Variants in TGM2 observed in about 807,000 individuals in gnomAD.
TGM2 encodes transglutaminase 2, also known as protein-glutamine gamma-glutamyltransferase 2.
Under a neutral mutation model 75.6 loss-of-function variants are expected in TGM2, and 53 were observed. That is an observed-to-expected ratio of 0.70 (90% CI 0.56 to 0.88). The LOEUF is 0.88. Among genes scored for constraint, TGM2 ranks in the 40% least tolerant of loss-of-function variants. TGM2 has a pLI of 0.00. For synonymous variants in TGM2, 374 were observed against 381.1 expected (o/e 0.98, Z 0.22); for missense variants, 842 against 928.5 (o/e 0.91, Z 1.21).
intron 6 of TGM2, chr20:38,145,922 T>G (rs2075039495): frequency 6.6e-6 from 1 of 152,014 alleles, no homozygotes; most frequent in African/African-American, 2.4e-5. Context: ...CACACAACCA[T>G]GCCTGCTAAT....
rs767258802 is a variant in TGM2 at position 38,141,334 on chromosome 20, C to T, written c.1047G>A (p.Pro349=). 29 of 1,592,236 alleles carry T rather than the reference C, an allele frequency of 1.8e-5. No homozygotes were observed. Among genetic ancestry groups the T allele is most frequent in the African/African-American group, 4.0e-5 (3 of 74,646 alleles). The change falls in exon 8 of 13, where the codon CCG becomes CCA. Residue 349 remains proline (P), a synonymous_variant. Transcript: ENST00000361475. ...CCAGGGCCTGCCAGCCCTCGTACCC[C>T]GGCTGCAGGTCCGGCCTGGTCATCC... ...ESWMTRPDLQ[P]GYEGWQALDP...
Position 38,130,142 on chromosome 20 carries a change from G to A in TGM2, c.*77C>T. On this transcript the variant is annotated 3_prime_UTR_variant, in exon 13 of 13. Coordinates refer to ENST00000361475, the MANE Select transcript of TGM2 (RefSeq NM_004613.4). ...CCTGGGGTCTGGGGCCCAAGAAGGG[G>A]CATATTTTGCTCACTAGCTTGGGAT... is the stretch of plus-strand genomic sequence containing the variant. The A allele has an allele frequency of 1.9e-6, 3 of 1,588,636 alleles. No homozygotes were observed. The highest frequency in any genetic ancestry group is 1.1e-5 in the South Asian group (1 of 87,510).
At chr20:38,132,707 C>T (rs566875939) in intron 10 of TGM2, 124 of 708,546 alleles carry the variant, frequency 1.8e-4, no homozygotes, top group African/African-American at 2.6e-4. Context: ...GGGTAGAGGA[C>T]GCACTTGGAC....
rs901895948 is a variant in TGM2 at position 38,131,160 on chromosome 20, C to T, written c.1846G>A (p.Ala616Thr). Reference protein sequence around the residue: ...EVSLQNPLPVALEGCTFTVEG... With the variant: ...EVSLQNPLPVTLEGCTFTVEG... ...ACAGTGAAGGTGCAGCCTTCCAGGGCCACAGGGAGCGGGTTCTGCAGGGAC... is the reference window on the plus strand; with the variant it reads ...ACAGTGAAGGTGCAGCCTTCCAGGGTCACAGGGAGCGGGTTCTGCAGGGAC... Residue 616 changes from alanine (A) to threonine (T), a missense_variant, in exon 12 of 13, where the codon GCC becomes ACC. Physicochemically the swap from Ala to Thr is moderately conservative, Grantham distance 58. Coordinates refer to ENST00000361475, the MANE Select transcript of TGM2 (RefSeq NM_004613.4). 1 of 1,613,854 alleles carries T rather than the reference C, an allele frequency of 6.2e-7. No individual in the cohort carries two copies. Among genetic ancestry groups the T allele is most frequent in the Middle Eastern group, 1.6e-4 (1 of 6,062 alleles).
chr20:38,131,363 C>G (rs1004494213), intron 11 of TGM2, 134 bp from the exon 12 acceptor site: 5 of 1,251,828 alleles, frequency 4.0e-6, no homozygotes, highest in East Asian at 2.5e-5. Flanking sequence ...CCCCTCCCCC[C>G]ACCTCTGTGC....
Position 38,146,748 on chromosome 20 carries a change from C to T in TGM2, c.828G>A (p.Gln276=). ...AGGCCACGGCGGCGAAGACCCAGCA[C>T]TGGCCATACTTGACGCGCTGGCAGC... ...NHGCQRVKYG[Q]CWVFAAVACT... Residue 276 remains glutamine, a synonymous_variant, in exon 6 of 13, where the codon CAG becomes CAA. Coordinates refer to ENST00000361475, the MANE Select transcript of TGM2 (RefSeq NM_004613.4). 6.2e-7 allele frequency: 1 copy of T among 1,613,668 alleles called. No homozygotes were observed.
chr20:38,157,303 T>C (rs1029908467), intron 2 of TGM2, among the ~76,000 whole-genome samples: 1 of 150,026 alleles, frequency 6.7e-6, no homozygotes, highest in Non-Finnish European at 1.5e-5. Context: ...CACAGGCCTC[T>C]CAGGCCCTGT....
chr20:38,141,452 C>T, intron 7 of TGM2, 67 bp from the exon 8 acceptor site: 1 of 1,202,076 alleles, frequency 8.3e-7, no homozygotes, highest in South Asian at 1.3e-5. Flanking sequence ...CTCCCACGGG[C>T]AGACCATGCA....
intron 6 of TGM2, among the ~76,000 whole-genome samples, chr20:38,144,446 G>A (rs184883571): frequency 7.9e-5 from 12 of 152,280 alleles, no homozygotes; most frequent in Non-Finnish European, 1.8e-4. Flanking sequence ...TACGGCAAAC[G>A]TCGTCCATCA....
intron 7 of TGM2, 125 bp from the exon 8 acceptor site, chr20:38,141,510 G>T (rs1193514264): frequency 1.3e-6 from 1 of 766,556 alleles, no homozygotes; most frequent in East Asian, 2.7e-5. Context: ...TGAGCCCAGG[G>T]TGTCTCCCCA....
chr20:38,148,121 G>A, intron 4 of TGM2, 32 bp from the exon 5 acceptor site: 9 of 1,613,560 alleles, frequency 5.6e-6, no homozygotes, highest in Non-Finnish European at 7.6e-6. Flanking sequence ...GAGAAAGAGG[G>A]AGCTGGGAAG....
chr20:38,158,653 A>G (rs553878239), intron 2 of TGM2, among the ~76,000 whole-genome samples: 1 of 152,290 alleles, frequency 6.6e-6, no homozygotes, highest in Non-Finnish European at 1.5e-5. Flanking sequence ...TGTGGCCTGG[A>G]CCCCATAACG....
chr20:38,131,076 G>A lies in TGM2; in HGVS notation c.1913+17C>T, dbSNP rs767635724. ...CCGCTTCCCCCAGGCCCCAAAGCTA[G>A]AGCAGCCAGCACTTACATCTCCACC... is the stretch of plus-strand genomic sequence containing the variant. On this transcript the variant is annotated intron_variant, in intron 12 of 12. Coordinates refer to ENST00000361475, the MANE Select transcript of TGM2 (RefSeq NM_004613.4). 10 of 1,610,954 alleles carry A rather than the reference G, an allele frequency of 6.2e-6. No homozygotes were observed. The highest frequency in any genetic ancestry group is 8.5e-6 in the Non-Finnish European group (10 of 1,179,864).
At chr20:38,151,248 C>T (rs947425863) in intron 3 of TGM2, among the ~76,000 whole-genome samples, 191 bp from the exon 4 acceptor site, 2 of 152,196 alleles carry the variant, frequency 1.3e-5, no homozygotes, top group African/African-American at 2.4e-5. Context: ...CGGTTAGTGA[C>T]AACAAAGGCT....
intron 12 of TGM2, 24 bp downstream of exon 12, chr20:38,131,069 A>G (rs1364549767): frequency 1.2e-6 from 2 of 1,610,362 alleles, no homozygotes; most frequent in Admixed American, 3.3e-5. Flanking sequence ...CCCAGGCCCC[A>G]AAGCTAGAGC....
chr20:38,131,412 G>A (rs1027113223), intron 11 of TGM2, among the ~76,000 whole-genome samples, 183 bp from the exon 12 acceptor site: 1 of 140,642 alleles, frequency 7.1e-6, no homozygotes, highest in Non-Finnish European at 1.5e-5. Context: ...TTGTGCTACC[G>A]GCCCAGGTCT....
In TGM2 at chr20:38,142,129, G is replaced by A. The variant is rs767834011; in HGVS notation, c.930C>T (p.Asn310=). 9 of 1,614,174 alleles carry A rather than the reference G, an allele frequency of 5.6e-6. No individual in the cohort carries two copies. Among genetic ancestry groups the A allele is most frequent in the Admixed American group, 1.7e-5 (1 of 60,018 alleles). The part of the protein sequence containing the change: ...NYNSAHDQNS[N]LLIEYFRNEF... ...CATTGCGGAAGTACTCGATGAGAAG[G>A]TTGCTGTTCTGGTCATGGGCCGAGT... Residue 310 remains asparagine, a synonymous_variant, in exon 7 of 13, where the codon AAC becomes AAT. Transcript: ENST00000361475.
intron 6 of TGM2, 186 bp downstream of exon 6, chr20:38,146,530 CA>C: frequency 1.3e-6 from 1 of 749,476 alleles, no homozygotes; most frequent in Non-Finnish European, 2.3e-6. Context: ...TTGATCCTAA[CA>C]ACCACTGGAG....
intron 2 of TGM2, among the ~76,000 whole-genome samples, chr20:38,159,343 A>G (rs1329675126): frequency 6.6e-6 from 1 of 152,104 alleles, no homozygotes; most frequent in East Asian, 1.9e-4. Flanking sequence ...AACAACACAC[A>G]CTGGGGCCTC....
Sources: gnomAD v4.1 joint callset for allele counts (sites outside exome capture counted in the v4.1 genomes callset) on GRCh38, gnomAD v4.1.1 for gene constraint, MANE v1.5 for transcripts, NCBI Gene and HGNC (gene_info 2026-07-23, HGNC 2026-07-21) for gene names.